KLHL4: variants seen among roughly 807,000 people sequenced by gnomAD.
KLHL4 encodes the protein kelch-like protein 4.
In KLHL4, 17 loss-of-function variants were observed where a neutral mutation model predicts 45.8. The ratio of observed to expected loss-of-function variants is 0.37; its 90% CI spans 0.25 to 0.56. KLHL4 has a LOEUF of 0.56. KLHL4 is among the 20% of genes least tolerant of loss of function. KLHL4 has a pLI of 0.79. For missense variants in KLHL4, 544 were observed against 544.9 expected, an observed-to-expected ratio of 1.00 and a Z score of 0.02; for synonymous variants, 224 against 189.9, an observed-to-expected ratio of 1.18 and a Z score of -1.47.
intron 1 of KLHL4, among the ~76,000 whole-genome samples, chrX:87,569,577 A>T (rs1336466250): frequency 4.5e-5 from 5 of 111,838 alleles, no homozygotes; most frequent in African/African-American, 1.6e-4. Context: ...AAAATCAATG[A>T]AATTCTTTCA....
intron 4 of KLHL4, among the ~76,000 whole-genome samples, chrX:87,618,786 A>C (rs749725712): frequency 1.8e-5 from 2 of 111,940 alleles, no homozygotes; most frequent in African/African-American, 3.2e-5. Context: ...GGCATGAGAC[A>C]CTGCGCCCAG....
intron 1 of KLHL4, among the ~76,000 whole-genome samples, chrX:87,569,685 C>T (rs1432898412): frequency 9.0e-6 from 1 of 111,303 alleles, no homozygotes; most frequent in Admixed American, 9.6e-5. Context: ...TGGATAAGCC[C>T]TGGAAACATT....
chrX:87,569,366 G>T (rs1569343776), intron 1 of KLHL4, among the ~76,000 whole-genome samples: 1 of 111,455 alleles, frequency 9.0e-6, no homozygotes, highest in African/African-American at 3.2e-5. Flanking sequence ...AAGTATTGTT[G>T]ATGGGAATTT....
At chrX:87,625,867 T>C (rs1922909306) in intron 6 of KLHL4, 71 bp downstream of exon 6, 2 of 862,176 alleles carry the variant, frequency 2.3e-6, no homozygotes, top group African/African-American at 2.1e-5. Flanking sequence ...ATAAGGGTGA[T>C]ATTAAAGCCA....
chrX:87,561,096 A>C (rs1482655518), intron 1 of KLHL4, among the ~76,000 whole-genome samples: 1 of 111,598 alleles, frequency 9.0e-6, no homozygotes, highest in East Asian at 2.9e-4. Context: ...TGTTGGCAAA[A>C]ATGAATAAGA....
At chrX:87,629,772 A>G (rs1002470485) in intron 6 of KLHL4, among the ~76,000 whole-genome samples, 1 of 111,822 alleles carries the variant, frequency 8.9e-6, no homozygotes, top group African/African-American at 3.2e-5. Flanking sequence ...AAGAATTGGA[A>G]AACATTCAGA....
At chrX:87,619,902 A>C (rs186796393) in intron 4 of KLHL4, among the ~76,000 whole-genome samples, 3 of 111,937 alleles carry the variant, frequency 2.7e-5, no homozygotes, top group East Asian at 5.6e-4. Flanking sequence ...TAATAATGCA[A>C]ATAATTTTAA....
chrX:87,555,999 G>A (rs11092964), intron 1 of KLHL4, among the ~76,000 whole-genome samples: 26,481 of 109,054 alleles, frequency 0.24, 2,754 homozygotes, highest in East Asian at 0.51. Flanking sequence ...TCAGGAGCAG[G>A]TTGTTCAGTT....
intron 9 of KLHL4, among the ~76,000 whole-genome samples, chrX:87,660,594 C>T (rs1165548700): frequency 8.9e-6 from 1 of 112,204 alleles, no homozygotes; most frequent in Non-Finnish European, 1.9e-5. Flanking sequence ...CCTGTAACGC[C>T]AACACTCTGG....
chrX:87,607,340 A>T (rs762338987), intron 1 of KLHL4, among the ~76,000 whole-genome samples: 2 of 111,082 alleles, frequency 1.8e-5, no homozygotes, highest in African/African-American at 6.5e-5. Flanking sequence ...ATTTCAAGCA[A>T]TCAAGTCTCT....
At chrX:87,640,687 C>T (rs1237938371) in intron 9 of KLHL4, among the ~76,000 whole-genome samples, 1 of 111,395 alleles carries the variant, frequency 9.0e-6, no homozygotes, top group Non-Finnish European at 1.9e-5. Flanking sequence ...AAGGGGCTTA[C>T]CTTAAGGTAA....
chrX:87,531,190 C>A (rs1270325536), intron 1 of KLHL4, among the ~76,000 whole-genome samples: 1 of 109,904 alleles, frequency 9.1e-6, no homozygotes, highest in Non-Finnish European at 1.9e-5. Context: ...GAGTAGGTTG[C>A]GAAAATTTTC....
intron 8 of KLHL4, among the ~76,000 whole-genome samples, 156 bp from the exon 9 acceptor site, chrX:87,635,407 A>G (rs758900329): frequency 8.9e-6 from 1 of 112,151 alleles, no homozygotes; most frequent in Non-Finnish European, 1.9e-5. Flanking sequence ...TCTGCTATTC[A>G]CTGCATAATA....
intron 3 of KLHL4, among the ~76,000 whole-genome samples, chrX:87,617,244 T>G (rs940021271): frequency 6.4e-5 from 7 of 110,069 alleles, no homozygotes; most frequent in Non-Finnish European, 1.3e-4. Context: ...AATAAGTAAT[T>G]ATTCATTTGT....
chrX:87,619,784 G>A lies in KLHL4; in HGVS notation c.924+1656G>A, dbSNP rs183229070. ...ATGTGCATAAAAATGTAATATTGTT[G>A]TCTCTCTTAATCTCTCTTCTTTAGT... is the stretch of plus-strand genomic sequence containing the variant. On this transcript the variant is annotated intron_variant, in intron 4 of 10. Transcript: ENST00000373119. 7.2e-5 allele frequency among the ~76,000 whole-genome samples: 8 copies of A among 111,595 alleles called. 1 individual carries two copies. In the Admixed American group the frequency reaches 7.6e-4, roughly 11 times the overall value.
intron 1 of KLHL4, among the ~76,000 whole-genome samples, chrX:87,529,421 A>G (rs1185204319): frequency 1.8e-5 from 2 of 111,938 alleles, no homozygotes; most frequent in African/African-American, 6.5e-5. Context: ...GAAAAGTTTT[A>G]GTATACTCAA....
Position 87,668,101 on chromosome X carries a change from A to G in KLHL4, c.*1567A>G. On this transcript the variant is annotated 3_prime_UTR_variant, in exon 11 of 11. Coordinates refer to ENST00000373119, the MANE Select transcript of KLHL4 (RefSeq NM_019117.5). Reference sequence around the variant, plus strand: ...TAAAGAGAGAGCTATAGATTTCTGCAGTTCTAGAGGTGAAGATAGAGACAT... The same window carrying G: ...TAAAGAGAGAGCTATAGATTTCTGCGGTTCTAGAGGTGAAGATAGAGACAT... 1.3e-6 allele frequency: 1 copy of G among 752,512 alleles called. No individual in the cohort carries two copies. Among genetic ancestry groups the G allele is most frequent in the Non-Finnish European group, 1.6e-6 (1 of 637,476 alleles). The allele number at this position is 752,512 out of a possible 1,213,427, so 62.0% of individuals were successfully genotyped here.
chrX:87,590,692 A>C (rs1179173304), intron 1 of KLHL4, among the ~76,000 whole-genome samples: 1 of 112,048 alleles, frequency 8.9e-6, no homozygotes, highest in East Asian at 2.8e-4. Flanking sequence ...CCATTACATA[A>C]AAGGTCAACT....
At chrX:87,592,762 T>C (rs1465567049) in intron 1 of KLHL4, among the ~76,000 whole-genome samples, 2 of 112,385 alleles carry the variant, frequency 1.8e-5, no homozygotes, top group Non-Finnish European at 3.8e-5. Flanking sequence ...AATCAGATTG[T>C]TAGATTTATT....
Sources: allele counts gnomAD v4.1 joint callset (sites outside exome capture counted in the v4.1 genomes callset), GRCh38; gene constraint gnomAD v4.1.1; transcripts MANE v1.5; gene names NCBI Gene and HGNC (gene_info 2026-07-23, HGNC 2026-07-21).